Variants in FAM13A observed in about 807,000 individuals in gnomAD.
The protein encoded by FAM13A is protein FAM13A.
FAM13A carries 76 observed loss-of-function variants against 129.6 expected under a neutral mutation model. That is an observed-to-expected ratio of 0.59 (90% CI 0.49 to 0.71). The LOEUF (loss-of-function observed/expected upper bound fraction) is 0.71. Ranked by LOEUF, FAM13A falls within the 30% of genes least tolerant of loss-of-function variation. FAM13A has a pLI of 0.00. For missense variants in FAM13A, 1,108 were observed against 1,249.3 expected, an observed-to-expected ratio of 0.89 and a Z score of 1.70; for synonymous variants, 443 against 449.9, an observed-to-expected ratio of 0.98 and a Z score of 0.20.
At chr4:88,857,402 C>T (rs896143288) in intron 6 of FAM13A, among the ~76,000 whole-genome samples, 4 of 151,916 alleles carry the variant, frequency 2.6e-5, no homozygotes, top group African/African-American at 7.3e-5. Flanking sequence ...CCAAGGCAGG[C>T]GGATCACTTG....
intron 5 of FAM13A, among the ~76,000 whole-genome samples, chr4:88,936,128 C>T (rs575059543): frequency 1.3e-4 from 20 of 152,240 alleles, no homozygotes; most frequent in South Asian, 4.1e-4. Context: ...TATTCTCATA[C>T]GATGTTCTCC....
Position 88,851,177 on chromosome 4 carries a change from T to C in FAM13A, c.850A>G (p.Lys284Glu), listed in dbSNP as rs750946745. 5.0e-6 allele frequency: 8 copies of C among 1,588,222 alleles called. No homozygotes were observed. Among genetic ancestry groups the C allele is most frequent in the South Asian group, 2.3e-5 (2 of 87,158 alleles). The change falls in exon 7 of 24, where the codon AAA becomes GAA. Residue 284 changes from lysine to glutamate, a missense_variant. Physicochemically the swap from Lys to Glu is moderately conservative, Grantham distance 56. Around this residue, in one of 3 missense-constraint regions of FAM13A, gnomAD observed 566 missense variants for 595.7 expected, o/e 0.95. Coordinates refer to ENST00000264344, the MANE Select transcript of FAM13A (RefSeq NM_014883.4). Reference protein sequence around the residue: ...PKPPPKTKIPKSRSEGSIQAH... With the variant: ...PKPPPKTKIPESRSEGSIQAH... The stretch of plus-strand genomic sequence containing the variant: ...TGAATAGATCCCTCACTCCTGGATT[T>C]TGGGATCTAGAAGAAAAAAAAAAGA...
intron 8 of FAM13A, among the ~76,000 whole-genome samples, chr4:88,790,869 A>C (rs1724998603): frequency 6.6e-6 from 1 of 152,112 alleles, no homozygotes; most frequent in African/African-American, 2.4e-5. Flanking sequence ...AGACAATTCT[A>C]TAACTAAATT....
intron 6 of FAM13A, among the ~76,000 whole-genome samples, chr4:88,884,018 TA>T: frequency 6.6e-6 from 1 of 151,560 alleles, no homozygotes; most frequent in Admixed American, 6.6e-5. Context: ...AAATGCTAAT[TA>T]AAAATTGCCA....
chr4:88,737,105 T>C (rs1319712304), intron 21 of FAM13A, among the ~76,000 whole-genome samples: 2 of 152,206 alleles, frequency 1.3e-5, no homozygotes, highest in African/African-American at 4.8e-5. Flanking sequence ...ATTTAAGATT[T>C]TGGAATACAG....
At chr4:88,860,331 G>A (rs982202855) in intron 6 of FAM13A, among the ~76,000 whole-genome samples, 12 of 152,222 alleles carry the variant, frequency 7.9e-5, no homozygotes, top group African/African-American at 2.9e-4. Flanking sequence ...AGGGAAGGAT[G>A]AGAATACTCA....
chr4:88,896,299 T>C (rs2464527), intron 6 of FAM13A, among the ~76,000 whole-genome samples: 19,707 of 147,818 alleles, frequency 0.13, 1,672 homozygotes, highest in Non-Finnish European at 0.2. Context: ...AGGGATACCA[T>C]TGGGAGATAC....
Position 88,987,838 on chromosome 4 carries a change from C to CAAAAAA in FAM13A, c.605+3129_605+3134dup, listed in dbSNP as rs1158179811. Reference sequence around the variant, plus strand: ...GCCTGGGTGACAGTGAGACTCCTCTCAAAAAAAAAAAAAAAAACTTAATCT... The same window carrying CAAAAAA: ...GCCTGGGTGACAGTGAGACTCCTCTCAAAAAAAAAAAAAAAAAAAAAAACTTAATCT... On this transcript the variant is annotated intron_variant, in intron 4 of 23. Coordinates refer to ENST00000264344, the MANE Select transcript of FAM13A (RefSeq NM_014883.4). Among the ~76,000 whole-genome samples, 115 of 71,168 alleles carry CAAAAAA rather than the reference C, an allele frequency of 1.6e-3. 4 individuals carry two copies. Among genetic ancestry groups the CAAAAAA allele is most frequent in the East Asian group, 5.8e-3 (12 of 2,076 alleles). 46.7% of individuals were successfully genotyped at this position (71,168 alleles called of 152,430 possible).
intron 17 of FAM13A, among the ~76,000 whole-genome samples, chr4:88,748,502 C>T (rs753641343): frequency 1.3e-5 from 2 of 152,184 alleles, no homozygotes; most frequent in Admixed American, 6.5e-5. Flanking sequence ...ATGACTTACA[C>T]ACCTTATTCT....
chr4:89,020,434 C>T (rs1767107642), intron 3 of FAM13A, 26 bp downstream of exon 3: 2 of 1,581,012 alleles, frequency 1.3e-6, no homozygotes, highest in African/African-American at 1.3e-5. Flanking sequence ...GTTGTTTTAA[C>T]TCCTAAAAGG....
At chr4:88,916,430 C>G (rs1050155614) in intron 5 of FAM13A, among the ~76,000 whole-genome samples, 3 of 152,206 alleles carry the variant, frequency 2.0e-5, no homozygotes, top group Non-Finnish European at 4.4e-5. Context: ...TTACTTCTGT[C>G]ACAGTACTTA....
chr4:88,784,109 A>G (rs1224957313), intron 10 of FAM13A, among the ~76,000 whole-genome samples: 1 of 152,258 alleles, frequency 6.6e-6, no homozygotes, highest in Non-Finnish European at 1.5e-5. Context: ...CAAAATAAAT[A>G]TATGAAAATC....
intron 21 of FAM13A, among the ~76,000 whole-genome samples, chr4:88,734,695 G>A (rs1406261637): frequency 1.3e-5 from 2 of 152,320 alleles, no homozygotes; most frequent in African/African-American, 2.4e-5. Flanking sequence ...GGGTGGTGGT[G>A]CCACACTACT....
intron 5 of FAM13A, among the ~76,000 whole-genome samples, chr4:88,925,709 A>G (rs967693271): frequency 2.6e-5 from 4 of 151,010 alleles, no homozygotes; most frequent in Non-Finnish European, 5.9e-5. Flanking sequence ...TAAAATAAAA[A>G]ATAAATAAAA....
intron 7 of FAM13A, among the ~76,000 whole-genome samples, chr4:88,812,016 T>C (rs1040299069): frequency 3.9e-5 from 6 of 152,080 alleles, no homozygotes; most frequent in African/African-American, 1.4e-4. Context: ...AAGGATGAGT[T>C]TGACACTCTC....
intron 14 of FAM13A, among the ~76,000 whole-genome samples, chr4:88,757,323 G>A (rs1311796604): frequency 1.3e-5 from 2 of 151,994 alleles, no homozygotes; most frequent in Non-Finnish European, 2.9e-5. Flanking sequence ...AAAAATCCTA[G>A]TTTTTATCTA....
intron 13 of FAM13A, among the ~76,000 whole-genome samples, chr4:88,764,996 AGGGATAAGCCCATGTTCACTT>A (rs1745467867): frequency 6.6e-6 from 1 of 152,232 alleles, no homozygotes; most frequent in Non-Finnish European, 1.5e-5. Flanking sequence ...TATGAAACAA[AGGGATAAGCCCATGTTCACTT>A]TCCACACATA....
chr4:88,909,604 A>G (rs188234184), intron 5 of FAM13A, among the ~76,000 whole-genome samples: 1 of 151,946 alleles, frequency 6.6e-6, no homozygotes, highest in Non-Finnish European at 1.5e-5. Context: ...CTCCTGTCTC[A>G]GCCTCTGGAG....
intron 6 of FAM13A, among the ~76,000 whole-genome samples, chr4:88,899,072 CTGTGTGTATG>C (rs879466447): frequency 1.3e-5 from 2 of 151,086 alleles, no homozygotes; most frequent in Non-Finnish European, 3.0e-5. Flanking sequence ...GTGTGTGTGT[CTGTGTGTATG>C]TGTGTGTATG....
Sources: gnomAD v4.1 joint callset for allele counts (sites outside exome capture counted in the v4.1 genomes callset) on GRCh38, gnomAD v4.1.1 for gene constraint, gnomAD v4.1.1 regional missense constraint, MANE v1.5 for transcripts, NCBI Gene and HGNC (gene_info 2026-07-23, HGNC 2026-07-21) for gene names.